Variants in COG2 observed in about 807,000 individuals in gnomAD.
COG2 encodes the protein component of oligomeric golgi complex 2.
Under a neutral mutation model 90.6 loss-of-function variants are expected in COG2, and 52 were observed. The ratio of observed to expected loss-of-function variants is 0.57; its 90% CI spans 0.46 to 0.72. The LOEUF (loss-of-function observed/expected upper bound fraction) is 0.72, where lower values mean the gene tolerates loss of function less well. Ranked by LOEUF, COG2 falls within the 30% of genes least tolerant of loss-of-function variation. The pLI, the probability that COG2 is intolerant of heterozygous loss-of-function variation, is 0.00. For missense variants in COG2, 829 were observed against 891.2 expected (o/e 0.93, Z 0.89); for synonymous variants, 337 against 320.4 (o/e 1.05, Z -0.55).
intron 10 of COG2, chr1:230,681,253 TAGCTCTTTA>T (rs1041434511): frequency 6.6e-6 from 1 of 152,248 alleles, no homozygotes; most frequent in African/African-American, 2.4e-5. Flanking sequence ...CTGCAGGTGT[TAGCTCTTTA>T]AATGCTAAAG....
At position 230,693,683 on chromosome 1, in the gene COG2, G is replaced by C; in HGVS notation, c.*290G>C. 4.3e-6 allele frequency: 1 copy of C among 232,016 alleles called. No homozygotes were observed. Among genetic ancestry groups the C allele is most frequent in the Non-Finnish European group, 8.3e-6 (1 of 120,980 alleles). The allele number at this position is 232,016 out of a possible 1,614,324, so 14.4% of individuals were successfully genotyped here. On this transcript the variant is annotated 3_prime_UTR_variant, in exon 18 of 18. Coordinates refer to ENST00000366669, the MANE Select transcript of COG2 (RefSeq NM_007357.3). ...TATTTTATTTTTATTGTAAATCTTA[G>C]TGTGGAAGAGCTGATTTCTAAAATA...
At position 230,674,979 on chromosome 1, in the gene COG2, A is replaced by T. The variant is rs888544323; in HGVS notation, c.900-19A>T. On this transcript the variant is annotated intron_variant, in intron 8 of 17. Coordinates refer to ENST00000366669, the MANE Select transcript of COG2 (RefSeq NM_007357.3). ...GTAGATTATGGTATATTTTACTGAT[A>T]TGTGCCCTTATTTTACAGTGAAAAA... 22 of 1,592,706 alleles carry T rather than the reference A, an allele frequency of 1.4e-5. No homozygotes were observed. The African/African-American group carries it at 1.6e-4, about 12-fold the overall frequency.
intron 9 of COG2, 64 bp from the exon 10 acceptor site, chr1:230,678,849 A>G: frequency 6.3e-7 from 1 of 1,593,882 alleles, no homozygotes; most frequent in Non-Finnish European, 8.5e-7. Context: ...TACAGTTTTC[A>G]GTACATGCTC....
rs1489473569 is a variant in COG2, at chr1:230,653,912, G to A, written c.73-5552G>A. Among the ~76,000 whole-genome samples, 4 of 151,302 alleles carry A rather than the reference G, an allele frequency of 2.6e-5. No homozygotes were observed. The East Asian group carries it at 5.9e-4, about 22-fold the overall frequency. On this transcript the variant is annotated intron_variant, in intron 1 of 17. Transcript: ENST00000366669. ...ATGGTAAAAGCATGAATACATTCAT[G>A]AGGACAAAGCCCTCATGACCACTTC...
Position 230,686,982 on chromosome 1 carries a change from A to G in COG2, c.1428A>G (p.Lys476=), listed in dbSNP as rs757139598. ...ATGAAAGTCCCAAGGAGATCAAGAAACCTTTGGTAACTGGTAGCAAAGAAC... is the reference window on the plus strand; with the variant it reads ...ATGAAAGTCCCAAGGAGATCAAGAAGCCTTTGGTAACTGGTAGCAAAGAAC... The part of the protein sequence containing the change: ...ISNESPKEIK[K]PLVTGSKEPS... Residue 476 remains lysine (K), a synonymous_variant, in exon 13 of 18, where the codon AAA becomes AAG. Transcript: ENST00000366669. The G allele has an allele frequency of 1.2e-6, 2 of 1,600,888 alleles. No individual in the cohort carries two copies. The highest frequency in any genetic ancestry group is 1.1e-5 in the South Asian group (1 of 89,056).
chr1:230,665,720 C>T (rs1221295930), intron 5 of COG2, among the ~76,000 whole-genome samples: 1 of 152,122 alleles, frequency 6.6e-6, no homozygotes, highest in African/African-American at 2.4e-5. Flanking sequence ...TGCTTCTGTC[C>T]GTTCTGTTCC....
At position 230,693,176 on chromosome 1, in the gene COG2, G is replaced by C; in HGVS notation, c.2116-116G>C. The stretch of plus-strand genomic sequence containing the variant: ...CTCTAGAGGAAAAAATATCCTACAA[G>C]TCTTCAGGGAACTGTCTTCTGGTTT... On this transcript the variant is annotated intron_variant, in intron 17 of 17. Coordinates refer to ENST00000366669, the MANE Select transcript of COG2 (RefSeq NM_007357.3). The C allele has an allele frequency of 1.1e-5, 7 of 613,170 alleles. No individual in the cohort carries two copies. The South Asian group carries it at 1.5e-4, about 13-fold the overall frequency. 38.0% of individuals were successfully genotyped at this position (613,170 alleles called of 1,614,324 possible).
Position 230,659,609 on chromosome 1 carries a change from A to G in COG2, c.218A>G (p.Asn73Ser), listed in dbSNP as rs201791868. 3.8e-4 allele frequency: 612 copies of G among 1,613,218 alleles called. 2 individuals carry two copies. The highest frequency in any genetic ancestry group is 2.1e-3 in the Admixed American group (125 of 59,902). ...AACAAGGATTATGCAGATTTTGTCA[A>G]TCTTTCAACAAACTTGGTAAACTTT... The part of the protein sequence containing the change: ...LINKDYADFV[N>S]LSTNLVGMDK... The change falls in exon 2 of 18, where the codon AAT becomes AGT. Residue 73 changes from asparagine to serine, a missense_variant. Transcript: ENST00000366669.
In COG2 at chr1:230,669,532, C is replaced by T. The variant is rs147592540; in HGVS notation, c.771C>T (p.Asp257=). Residue 257 remains aspartate, a synonymous_variant, in exon 7 of 18, where the codon GAC becomes GAT. Transcript: ENST00000366669. ...VGQVLVKPYI[D]EVIIEQFVES... ...AAGTACTAGTGAAACCATACATAGA[C>T]GAGGTCTGTGTACCTCCTTCAACAA... 14 of 1,613,124 alleles carry T rather than the reference C, an allele frequency of 8.7e-6. No homozygotes were observed. Among genetic ancestry groups the T allele is most frequent in the East Asian group, 2.2e-5 (1 of 44,836 alleles).
At chr1:230,652,795 C>T (rs1171005153) in intron 1 of COG2, among the ~76,000 whole-genome samples, 1 of 152,066 alleles carries the variant, frequency 6.6e-6, no homozygotes, top group Non-Finnish European at 1.5e-5. Context: ...AGCATTTTTT[C>T]AGATCTTTCG....
intron 12 of COG2, among the ~76,000 whole-genome samples, chr1:230,686,244 T>C (rs1234922059): frequency 6.6e-6 from 1 of 152,222 alleles, no homozygotes; most frequent in Non-Finnish European, 1.5e-5. Context: ...CCCTTTTGCC[T>C]TTCCTCCGCT....
At chr1:230,671,766 G>T in intron 8 of COG2, 126 bp downstream of exon 8, 1 of 863,288 alleles carries the variant, frequency 1.2e-6, no homozygotes, top group East Asian at 2.8e-5. Context: ...TATGAATCTT[G>T]TTATTTCATT....
At chr1:230,672,605 T>C (rs1372430396) in intron 8 of COG2, among the ~76,000 whole-genome samples, 1 of 151,136 alleles carries the variant, frequency 6.6e-6, no homozygotes, top group Non-Finnish European at 1.5e-5. Flanking sequence ...CCAAGGCAGG[T>C]GAATCGCTTG....
At position 230,693,305 on chromosome 1, in the gene COG2, G is replaced by A. The variant is rs765860244; in HGVS notation, c.2129G>A (p.Gly710Glu). Residue 710 changes from glycine (G) to glutamate (E), a missense_variant, in exon 18 of 18, where the codon GGA becomes GAA. Coordinates refer to ENST00000366669, the MANE Select transcript of COG2 (RefSeq NM_007357.3). ...EYLGEQIQKL[G>E]LQASDIKSFS... ...TGGCCTTTGCAGATACAAAAGTTGG[G>A]ACTACAAGCAAGTGACATAAAAAGC... 2 of 1,611,750 alleles carry A rather than the reference G, an allele frequency of 1.2e-6. No individual in the cohort carries two copies. The highest frequency in any genetic ancestry group is 1.7e-6 in the Non-Finnish European group (2 of 1,178,040).
intron 2 of COG2, among the ~76,000 whole-genome samples, chr1:230,660,378 T>C (rs1558270472): frequency 6.6e-6 from 1 of 152,224 alleles, no homozygotes; most frequent in Non-Finnish European, 1.5e-5. Context: ...ATGGTTAGGA[T>C]AGATATACTC....
intron 1 of COG2, among the ~76,000 whole-genome samples, chr1:230,643,610 A>G (rs1264116044): frequency 6.6e-6 from 1 of 152,068 alleles, no homozygotes; most frequent in Non-Finnish European, 1.5e-5. Flanking sequence ...TAATTAGCCT[A>G]TCTCTTTTTG....
At chr1:230,663,427 A>G (rs987315844) in intron 4 of COG2, among the ~76,000 whole-genome samples, 2 of 152,078 alleles carry the variant, frequency 1.3e-5, no homozygotes, top group Non-Finnish European at 2.9e-5. Flanking sequence ...TTTTCTTTTG[A>G]TAACTTTAGT....
rs1662337824 is a variant in COG2 at position 230,667,061 on chromosome 1, C to T, written c.486-1615C>T. 2.6e-5 allele frequency among the ~76,000 whole-genome samples: 4 copies of T among 152,306 alleles called. 1 individual carries two copies. The highest frequency in any genetic ancestry group is 6.8e-3 in the Middle Eastern group (2 of 294). ...AGATGCTCCATCTCCATGCATTCAT[C>T]GGGCCTCCGGGTCATCCCCTAGACA... is the stretch of plus-strand genomic sequence containing the variant. On this transcript the variant is annotated intron_variant, in intron 5 of 17. Coordinates refer to ENST00000366669, the MANE Select transcript of COG2 (RefSeq NM_007357.3).
rs1458148807 is a variant in COG2, at chr1:230,685,216, T to G, written c.1360T>G (p.Tyr454Asp). The change falls in exon 12 of 18, where the codon TAC (tyrosine) becomes GAC (aspartate). Residue 454 changes from tyrosine to aspartate, a missense_variant. Tyr to Asp is a radical substitution (Grantham distance 160, BLOSUM62 -3). Coordinates refer to ENST00000366669, the MANE Select transcript of COG2 (RefSeq NM_007357.3). ...WRLTLQILAR[Y>D]SVFVNELSLR... ...ACTCACTCTGCAGATTTTGGCACGA[T>G]ACTCTGTGTTTGTCAATGAGGTAAG... The G allele has an allele frequency of 6.2e-7, 1 of 1,614,086 alleles. No individual in the cohort carries two copies. Among genetic ancestry groups the G allele is most frequent in the African/African-American group, 1.3e-5 (1 of 74,932 alleles).
Sources: allele counts gnomAD v4.1 joint callset (sites outside exome capture counted in the v4.1 genomes callset), GRCh38; gene constraint gnomAD v4.1.1; transcripts MANE v1.5; gene names NCBI Gene and HGNC (gene_info 2026-07-23, HGNC 2026-07-21).